DPP6: variants seen among roughly 807,000 people sequenced by gnomAD.
The protein encoded by DPP6 is A-type potassium channel modulatory protein DPP6.
In DPP6, 69 loss-of-function variants were observed where a neutral mutation model predicts 122.6. The observed-to-expected ratio is 0.56, with a 90% CI of 0.46 to 0.69. DPP6 has a LOEUF of 0.69. Ranked by LOEUF, DPP6 falls within the 30% of genes least tolerant of loss-of-function variation. The probability of loss-of-function intolerance (pLI) is 0.00; values close to 1 mark genes in which losing one functional copy is unlikely to be tolerated. For missense variants in DPP6, 928 were observed against 1,116.9 expected (o/e 0.83, Z 2.41); for synonymous variants, 418 against 433.1 (o/e 0.97, Z 0.43).
At chr7:153,774,545 A>T in the DPP6 span, among the ~76,000 whole-genome samples, 1 of 152,204 alleles carries the variant, frequency 6.6e-6, no homozygotes, top group Non-Finnish European at 1.5e-5. Flanking sequence ...CCACGTGGGT[A>T]ATTTGGAAGC....
At chr7:154,278,275 C>G (rs759620874) in intron 1 of DPP6, among the ~76,000 whole-genome samples, 12 of 152,202 alleles carry the variant, frequency 7.9e-5, no homozygotes, top group Non-Finnish European at 1.8e-4. Flanking sequence ...TCAAAAAAAT[C>G]TAACTCAGAA....
chr7:154,708,667 A>T (rs1293776238), intron 7 of DPP6, among the ~76,000 whole-genome samples: 1 of 152,230 alleles, frequency 6.6e-6, no homozygotes, highest in Non-Finnish European at 1.5e-5. Flanking sequence ...CGATAAAAAA[A>T]CCAAAAGACT....
intron 4 of DPP6, among the ~76,000 whole-genome samples, chr7:154,553,084 A>G (rs1278273614): frequency 2.6e-5 from 4 of 152,226 alleles, no homozygotes; most frequent in Non-Finnish European, 5.9e-5. Flanking sequence ...TTAGGAAAAT[A>G]ACTGTAACCA....
intron 7 of DPP6, among the ~76,000 whole-genome samples, chr7:154,718,151 A>G (rs1382299551): frequency 6.6e-6 from 1 of 152,092 alleles, no homozygotes; most frequent in Non-Finnish European, 1.5e-5. Flanking sequence ...ATGGATACTA[A>G]CCCCTCGTCA....
chr7:154,192,117 T>C (rs943330684), intron 1 of DPP6, among the ~76,000 whole-genome samples: 1 of 152,206 alleles, frequency 6.6e-6, no homozygotes, highest in Non-Finnish European at 1.5e-5. Context: ...TGAAGACTGA[T>C]TTAAAGGCAC....
At chr7:153,772,590 AG>A in the DPP6 span, among the ~76,000 whole-genome samples, 1 of 152,138 alleles carries the variant, frequency 6.6e-6, no homozygotes, top group Non-Finnish European at 1.5e-5. Context: ...GAAAAGAGCT[AG>A]GACGATGGTA....
intron 1 of DPP6, among the ~76,000 whole-genome samples, chr7:154,071,983 G>A (rs182798426): frequency 2.0e-5 from 3 of 152,086 alleles, no homozygotes; most frequent in Non-Finnish European, 4.4e-5. Flanking sequence ...TTTCATCCAC[G>A]TGCCTGGTAC....
chr7:154,314,015 C>T (rs1807205494), intron 1 of DPP6, among the ~76,000 whole-genome samples: 1 of 152,030 alleles, frequency 6.6e-6, no homozygotes, highest in Admixed American at 6.6e-5. Flanking sequence ...AACAACGTCT[C>T]AAAAGCTCCC....
intron 1 of DPP6, among the ~76,000 whole-genome samples, chr7:154,321,195 T>C (rs1322741687): frequency 6.6e-6 from 1 of 151,764 alleles, no homozygotes; most frequent in Admixed American, 6.6e-5. Context: ...GAGGATCGCT[T>C]AAGCCCAAAA....
intron 22 of DPP6, among the ~76,000 whole-genome samples, chr7:154,887,273 G>A (rs1288697419): frequency 1.3e-5 from 2 of 152,194 alleles, no homozygotes; most frequent in Non-Finnish European, 2.9e-5. Flanking sequence ...ACCAAGAGCA[G>A]GGATGTGCCT....
the DPP6 span, among the ~76,000 whole-genome samples, chr7:153,802,154 G>A: frequency 1.6e-3 from 247 of 152,316 alleles, 1 homozygote; most frequent in African/African-American, 5.6e-3. Flanking sequence ...CTTGGCTTTC[G>A]GAGTGGGGCA....
At chr7:154,664,640 G>A (rs1232282830) in intron 6 of DPP6, among the ~76,000 whole-genome samples, 3 of 149,598 alleles carry the variant, frequency 2.0e-5, no homozygotes, top group Admixed American at 6.7e-5. Context: ...CCTGTGCTGT[G>A]CTCCATATGG....
At chr7:153,884,162 T>G (rs1798831770), upstream of DPP6, among the ~76,000 whole-genome samples, 1 of 152,092 alleles carries the variant, frequency 6.6e-6, no homozygotes, top group Non-Finnish European at 1.5e-5. Context: ...CCTCCCCAAT[T>G]CCCGCACCCC....
intron 1 of DPP6, among the ~76,000 whole-genome samples, chr7:154,203,405 A>G (rs1585622375): frequency 6.6e-6 from 1 of 152,152 alleles, no homozygotes; most frequent in African/African-American, 2.4e-5. Context: ...AGCCATCTGA[A>G]GGTGACATGC....
intron 5 of DPP6, among the ~76,000 whole-genome samples, chr7:154,586,640 A>T (rs79784595): frequency 0.011 from 1,618 of 152,300 alleles, 13 homozygotes; most frequent in Non-Finnish European, 0.015. Context: ...TCTCTAGATT[A>T]GCTAAGCCAG....
intron 1 of DPP6, among the ~76,000 whole-genome samples, chr7:154,329,438 T>C (rs777969916): frequency 1.3e-4 from 20 of 152,232 alleles, no homozygotes; most frequent in Non-Finnish European, 5.9e-5. Flanking sequence ...CACTTTTTGA[T>C]TGGCTTATTT....
intron 25 of DPP6, among the ~76,000 whole-genome samples, chr7:154,891,922 G>T (rs1395239732): frequency 6.6e-6 from 1 of 152,180 alleles, no homozygotes; most frequent in Non-Finnish European, 1.5e-5. Context: ...CTGCGGCTCT[G>T]TAGTCCCTAA....
intron 2 of DPP6, among the ~76,000 whole-genome samples, chr7:154,451,375 A>T (rs911028051): frequency 6.6e-6 from 1 of 151,710 alleles, no homozygotes; most frequent in African/African-American, 2.4e-5. Context: ...AAAAAAAAAA[A>T]AAAAAGTGGA....
chr7:154,812,882 A>G (rs1180866925), intron 16 of DPP6, among the ~76,000 whole-genome samples: 1 of 152,156 alleles, frequency 6.6e-6, no homozygotes, highest in Non-Finnish European at 1.5e-5. Context: ...AGCAGTATCA[A>G]TGTGTGCTTT....
Sources: gnomAD v4.1 joint callset for allele counts (sites outside exome capture counted in the v4.1 genomes callset) on GRCh38, gnomAD v4.1.1 for gene constraint, MANE v1.5 for transcripts, NCBI Gene and HGNC (gene_info 2026-07-23, HGNC 2026-07-21) for gene names.